Variants in NEBL observed in about 807,000 individuals in gnomAD.
NEBL encodes the protein nebulette, also known as LIM and SH3 protein 2.
A neutral mutation model predicts 140.2 loss-of-function variants in NEBL; 122 were observed. That is an observed-to-expected ratio of 0.87 (90% confidence interval 0.75 to 1.01). NEBL has a LOEUF of 1.01. NEBL is among the 50% of genes least tolerant of loss of function. NEBL has a pLI of 0.00. For missense variants in NEBL, 1,365 were observed against 1,231.3 expected (o/e 1.11, Z -1.62); for synonymous variants, 436 against 398.9 (o/e 1.09, Z -1.11).
At chr10:21,156,411 A>C (rs981962661) in intron 2 of NEBL, among the ~76,000 whole-genome samples, 1 of 152,238 alleles carries the variant, frequency 6.6e-6, no homozygotes, top group African/African-American at 2.4e-5. Flanking sequence ...ATTCGTTTTC[A>C]AAGTCAGGAG....
chr10:20,856,022 T>C (rs1683741533), intron 9 of NEBL, among the ~76,000 whole-genome samples: 1 of 152,192 alleles, frequency 6.6e-6, no homozygotes, highest in African/African-American at 2.4e-5. Flanking sequence ...TAATATACAA[T>C]AAAGTTGAGC....
intron 2 of NEBL, among the ~76,000 whole-genome samples, chr10:21,157,056 A>G (rs1840361980): frequency 6.6e-6 from 1 of 152,242 alleles, no homozygotes; most frequent in Non-Finnish European, 1.5e-5. Context: ...ACAAGCTTAC[A>G]AAGCACATAA....
intron 2 of NEBL, among the ~76,000 whole-genome samples, chr10:21,039,009 T>C (rs1054095638): frequency 6.6e-6 from 1 of 151,970 alleles, no homozygotes; most frequent in African/African-American, 2.4e-5. Context: ...ACAAATGTCT[T>C]CTTTTAAGAA....
chr10:20,940,957 C>G (rs1834822678), intron 4 of NEBL, among the ~76,000 whole-genome samples: 1 of 151,922 alleles, frequency 6.6e-6, no homozygotes, highest in Non-Finnish European at 1.5e-5. Flanking sequence ...GCTTACCAAC[C>G]AAAAAAAGTC....
chr10:20,866,578 C>A (rs568736518), intron 7 of NEBL, among the ~76,000 whole-genome samples: 1 of 152,190 alleles, frequency 6.6e-6, no homozygotes, highest in Admixed American at 6.5e-5. Flanking sequence ...GCTCTGCCAT[C>A]AGATTTCTGT....
Position 21,196,627 on chromosome 10 carries a change from G to A in NEBL, n.349-24150C>T, listed in dbSNP as rs192000062. ...CCCAAAGTGCTGGGATTACAGGCAT[G>A]AGCCACCATGCCCAGTTGTCACTAG... On this transcript the variant is annotated intron_variant and non_coding_transcript_variant, in intron 3 of 8. Transcript: ENST00000675702. Among the ~76,000 whole-genome samples the A allele has an allele frequency of 1.8e-3, 271 of 152,260 alleles. 1 individual carries two copies. The highest frequency in any genetic ancestry group is 6.1e-3 in the African/African-American group (253 of 41,548).
intron 2 of NEBL, chr10:21,172,285 G>A: frequency 1.1e-6 from 1 of 935,038 alleles, no homozygotes; most frequent in South Asian, 1.3e-5. Flanking sequence ...TGCCACACCT[G>A]GGTGACACAG....
At chr10:21,049,528 T>C (rs1834673842) in intron 2 of NEBL, among the ~76,000 whole-genome samples, 1 of 152,224 alleles carries the variant, frequency 6.6e-6, no homozygotes, top group Non-Finnish European at 1.5e-5. Flanking sequence ...GCGATTTTCA[T>C]AGCTTTGCTT....
chr10:20,854,928 A>G (rs1330079958), intron 9 of NEBL, among the ~76,000 whole-genome samples: 1 of 152,042 alleles, frequency 6.6e-6, no homozygotes, highest in Non-Finnish European at 1.5e-5. Context: ...TGTTTTTTTA[A>G]AAAAGCCTTT....
intron 26 of NEBL, among the ~76,000 whole-genome samples, chr10:20,797,250 A>G (rs1320604816): frequency 1.3e-5 from 2 of 152,224 alleles, no homozygotes; most frequent in African/African-American, 4.8e-5. Context: ...AATTGTCATT[A>G]TTCCACTGCA....
At chr10:21,280,685 G>A (rs924462599) in intron 1 of NEBL, among the ~76,000 whole-genome samples, 1 of 120,984 alleles carries the variant, frequency 8.3e-6, no homozygotes, top group Non-Finnish European at 1.6e-5. Context: ...CTAGCTCACT[G>A]CTCACTGTAA....
intron 2 of NEBL, among the ~76,000 whole-genome samples, chr10:21,153,736 G>A (rs536451817): frequency 3.9e-5 from 6 of 152,074 alleles, no homozygotes; most frequent in African/African-American, 1.4e-4. Flanking sequence ...GGCTGGTCTC[G>A]AACTCCTGAC....
chr10:20,809,656 G>T lies in NEBL; in HGVS notation c.2611+150C>A, dbSNP rs201832837. 10 of 660,620 alleles carry T rather than the reference G, an allele frequency of 1.5e-5. No homozygotes were observed. The East Asian group carries it at 2.7e-4, about 18-fold the overall frequency. 40.9% of individuals were successfully genotyped at this position (660,620 alleles called of 1,614,324 possible). A position where few individuals can be genotyped will look rare whatever the true frequency, so the allele number is the denominator to read the frequency against. On this transcript the variant is annotated intron_variant, in intron 25 of 27. Coordinates refer to ENST00000377122, the MANE Select transcript of NEBL (RefSeq NM_006393.3). ...GTTTTCTTTTCATAAATGACTAATT[G>T]TATTTAAAAGTAGCATAGCATTTTT...
intron 2 of NEBL, among the ~76,000 whole-genome samples, chr10:21,050,173 G>C (rs947344289): frequency 6.6e-6 from 1 of 152,164 alleles, no homozygotes; most frequent in African/African-American, 2.4e-5. Context: ...TCACCAGGTA[G>C]AGTCTCTCTT....
At chr10:21,082,761 A>ATTTTTTTTT (rs71392113) in intron 2 of NEBL, among the ~76,000 whole-genome samples, 31 of 109,526 alleles carry the variant, frequency 2.8e-4, no homozygotes, top group Non-Finnish European at 3.4e-4. Flanking sequence ...GGAGGGATGC[A>ATTTTTTTTT]TTTTTTTTTT....
At chr10:20,911,662 T>A (rs145041113) in intron 4 of NEBL, among the ~76,000 whole-genome samples, 56 of 152,212 alleles carry the variant, frequency 3.7e-4, no homozygotes, top group Non-Finnish European at 6.2e-4. Flanking sequence ...GGATTTTATA[T>A]GTACATAAAA....
rs143479928 is a variant in NEBL at position 21,237,386 on chromosome 10, G to A, written n.348+10535C>T. On this transcript the variant is annotated intron_variant and non_coding_transcript_variant, in intron 3 of 8. Transcript: ENST00000675702. Reference sequence around the variant, plus strand: ...CACCTGGCTAATGTTTGTATTTTTAGTAGAGACGAGGTTTCACCGTGTTGG... The same window carrying A: ...CACCTGGCTAATGTTTGTATTTTTAATAGAGACGAGGTTTCACCGTGTTGG... 1.6e-3 allele frequency among the ~76,000 whole-genome samples: 238 copies of A among 151,702 alleles called. 1 individual carries two copies. The highest frequency in any genetic ancestry group is 5.4e-3 in the African/African-American group (224 of 41,354).
At chr10:21,149,571 A>T (rs909965896) in intron 2 of NEBL, among the ~76,000 whole-genome samples, 1 of 152,206 alleles carries the variant, frequency 6.6e-6, no homozygotes, top group Non-Finnish European at 1.5e-5. Flanking sequence ...GATTATAGGC[A>T]TGAGCCATCG....
chr10:21,183,462 A>G (rs925305841), intron 3 of NEBL, among the ~76,000 whole-genome samples: 1 of 152,124 alleles, frequency 6.6e-6, no homozygotes, highest in Non-Finnish European at 1.5e-5. Flanking sequence ...AGAGAAAACA[A>G]GGAAAGGGCC....
Sources: gnomAD v4.1 joint callset for allele counts (sites outside exome capture counted in the v4.1 genomes callset) on GRCh38, gnomAD v4.1.1 for gene constraint, MANE v1.5 for transcripts, NCBI Gene and HGNC (gene_info 2026-07-23, HGNC 2026-07-21) for gene names.